Variants in PLXDC2 observed in about 807,000 individuals in gnomAD.
PLXDC2 encodes plexin domain-containing protein 2.
A neutral mutation model predicts 68.9 loss-of-function variants in PLXDC2; 40 were observed. That is an observed-to-expected ratio of 0.58 (90% CI 0.45 to 0.76). PLXDC2 has a LOEUF of 0.76. Ranked by LOEUF, PLXDC2 falls within the 30% of genes least tolerant of loss-of-function variation. The pLI, the probability that PLXDC2 is intolerant of heterozygous loss-of-function variation, is 0.00. For missense variants in PLXDC2, 644 were observed against 661.9 expected (o/e 0.97, Z 0.30); for synonymous variants, 243 against 234.2 (o/e 1.04, Z -0.34).
rs1178855510 is a variant in PLXDC2 at position 19,896,550 on chromosome 10, A to G, written c.112+79359A>G. Among the ~76,000 whole-genome samples, 5 of 152,346 alleles carry G rather than the reference A, an allele frequency of 3.3e-5. No individual in the cohort carries two copies. The East Asian group carries it at 7.7e-4, about 24-fold the overall frequency. On this transcript the variant is annotated intron_variant, in intron 1 of 13. Coordinates refer to ENST00000377252, the MANE Select transcript of PLXDC2 (RefSeq NM_032812.9). ...AGTCCTCAATAAATGCTTGTTATTA[A>G]TATCGTCATAACAAGTGACATGGAA... is the stretch of plus-strand genomic sequence containing the variant.
chr10:20,166,659 A>T (rs1834379029), intron 7 of PLXDC2, among the ~76,000 whole-genome samples: 2 of 152,154 alleles, frequency 1.3e-5, no homozygotes, highest in Non-Finnish European at 2.9e-5. Flanking sequence ...CGGCTTACTC[A>T]GCAGGGCTTT....
At position 20,195,911 on chromosome 10, in the gene PLXDC2, C is replaced by T. The variant is rs577591912; in HGVS notation, c.1062-15758C>T. 2.0e-3 allele frequency among the ~76,000 whole-genome samples: 305 copies of T among 152,216 alleles called. 1 individual carries two copies. The highest frequency in any genetic ancestry group is 2.4e-3 in the Non-Finnish European group (162 of 68,006). On this transcript the variant is annotated intron_variant, in intron 9 of 13. Transcript: ENST00000377252. ...CAGCATTTTACAGAGGTACAGCACA[C>T]CTCAACCCCCAAGATGTTACGTTCC... is the stretch of plus-strand genomic sequence containing the variant.
Position 20,242,674 on chromosome 10 carries a change from A to G in PLXDC2, c.1313-2671A>G, listed in dbSNP as rs114774368. Among the ~76,000 whole-genome samples, 404 of 152,256 alleles carry G rather than the reference A, an allele frequency of 2.7e-3. 1 individual carries two copies. The highest frequency in any genetic ancestry group is 9.4e-3 in the African/African-American group (391 of 41,566). On this transcript the variant is annotated intron_variant, in intron 12 of 13. Transcript: ENST00000377252. ...GATGGCAGATACTGACCTAAGACCC[A>G]GCCCAAAGACATAGCCTCTGTCATC...
intron 13 of PLXDC2, among the ~76,000 whole-genome samples, chr10:20,259,060 C>T (rs1407785631): frequency 1.3e-5 from 2 of 151,168 alleles, no homozygotes; most frequent in East Asian, 3.9e-4. Flanking sequence ...CAATCTTAAT[C>T]AGGATGAGCT....
intron 1 of PLXDC2, among the ~76,000 whole-genome samples, chr10:19,890,119 A>G (rs1837925296): frequency 2.0e-5 from 3 of 152,326 alleles, no homozygotes; most frequent in Admixed American, 6.5e-5. Flanking sequence ...AGTGAAGGAC[A>G]GGTAGTCTAC....
chr10:20,206,849 AACACACACAC>A (rs375925753), intron 9 of PLXDC2, among the ~76,000 whole-genome samples: 2 of 149,544 alleles, frequency 1.3e-5, no homozygotes, highest in South Asian at 4.2e-4. Flanking sequence ...TGTGCTTTGA[AACACACACAC>A]ACACACACAC....
At chr10:19,854,486 A>G (rs7093614) in intron 1 of PLXDC2, among the ~76,000 whole-genome samples, 9,693 of 152,224 alleles carry the variant, frequency 0.064, 1,062 homozygotes, top group African/African-American at 0.22. Context: ...TAGTGAGTAG[A>G]GGCCAGAGAT....
chr10:19,862,617 G>A (rs1486030732), intron 1 of PLXDC2, among the ~76,000 whole-genome samples: 1 of 152,076 alleles, frequency 6.6e-6, no homozygotes, highest in African/African-American at 2.4e-5. Flanking sequence ...AAGTTTACTG[G>A]GTTTATGTAT....
intron 11 of PLXDC2, 133 bp downstream of exon 11, chr10:20,217,709 A>G: frequency 4.3e-6 from 5 of 1,164,234 alleles, no homozygotes; most frequent in Non-Finnish European, 5.5e-6. Context: ...TTCTTTGGCA[A>G]ACTGGATTTC....
chr10:20,047,404 G>C (rs1174184303), intron 3 of PLXDC2, among the ~76,000 whole-genome samples: 1 of 152,020 alleles, frequency 6.6e-6, no homozygotes, highest in Admixed American at 6.6e-5. Context: ...GTTTATTGCT[G>C]TTGGTCTTGG....
chr10:20,067,107 A>G (rs138984978), intron 3 of PLXDC2, among the ~76,000 whole-genome samples: 145 of 152,270 alleles, frequency 9.5e-4, no homozygotes, highest in African/African-American at 3.2e-3. Flanking sequence ...AAAGATTAGG[A>G]TTTTTAATAT....
chr10:20,126,318 A>ATACATATACGTTATATAATAC (rs1833777610), intron 4 of PLXDC2, among the ~76,000 whole-genome samples: 1 of 86,172 alleles, frequency 1.2e-5, no homozygotes, highest in Non-Finnish European at 2.9e-5. Context: ...TACGTTATAT[A>ATACATATACGTTATATAATAC]ATATATACAT....
chr10:20,146,878 G>T (rs753144087), intron 5 of PLXDC2, among the ~76,000 whole-genome samples: 1 of 152,056 alleles, frequency 6.6e-6, no homozygotes, highest in Non-Finnish European at 1.5e-5. Flanking sequence ...ATTACTGGGA[G>T]ATAAGATTTG....
intron 1 of PLXDC2, among the ~76,000 whole-genome samples, chr10:19,818,227 G>GGTGTGTGTGTGTGTGTGTGTGTGT (rs749435110): frequency 7.3e-6 from 1 of 137,522 alleles, no homozygotes; most frequent in African/African-American, 2.8e-5. Context: ...GTTCTTTTCT[G>GGTGTGTGTGTGTGTGTGTGTGTGT]GTGTGTGTGT....
At chr10:20,204,608 C>A (rs1207320022) in intron 9 of PLXDC2, among the ~76,000 whole-genome samples, 3 of 152,124 alleles carry the variant, frequency 2.0e-5, no homozygotes, top group Non-Finnish European at 4.4e-5. Context: ...GTCCAAAAAT[C>A]TTAATAATTT....
chr10:20,182,285 A>G (rs1834616410), intron 9 of PLXDC2, among the ~76,000 whole-genome samples: 1 of 151,940 alleles, frequency 6.6e-6, no homozygotes, highest in Non-Finnish European at 1.5e-5. Flanking sequence ...GCAACCATTG[A>G]TCTTCTTCCT....
intron 1 of PLXDC2, among the ~76,000 whole-genome samples, chr10:19,833,815 A>G (rs537402092): frequency 2.2e-4 from 33 of 152,218 alleles, no homozygotes; most frequent in Middle Eastern, 3.2e-3. Context: ...TAAGCAATCT[A>G]TGTGTAAGAA....
chr10:20,167,509 C>A (rs948222676), intron 7 of PLXDC2, among the ~76,000 whole-genome samples: 3 of 152,144 alleles, frequency 2.0e-5, no homozygotes, highest in East Asian at 3.9e-4. Flanking sequence ...GCAACACTCA[C>A]TATTAGGAAT....
chr10:20,249,454 G>A (rs1403948625), intron 13 of PLXDC2, among the ~76,000 whole-genome samples: 1 of 152,120 alleles, frequency 6.6e-6, no homozygotes, highest in Non-Finnish European at 1.5e-5. Flanking sequence ...GAGGCTTCAG[G>A]GGATAATCGT....
Sources: gnomAD v4.1 joint callset for allele counts (sites outside exome capture counted in the v4.1 genomes callset) on GRCh38, gnomAD v4.1.1 for gene constraint, MANE v1.5 for transcripts, NCBI Gene and HGNC (gene_info 2026-07-23, HGNC 2026-07-21) for gene names.